Variants in GPC6 observed in about 807,000 individuals in gnomAD.
The protein encoded by GPC6 is glypican-6.
In GPC6, 14 loss-of-function variants were observed where a neutral mutation model predicts 55.2. The ratio of observed to expected loss-of-function variants is 0.25; its 90% CI spans 0.17 to 0.40. The LOEUF is 0.40. Among genes scored for constraint, GPC6 ranks in the 10% least tolerant of loss-of-function variants. GPC6 has a pLI of 1.00. For synonymous variants in GPC6, 278 were observed against 259.6 expected (o/e 1.07, Z -0.68); for missense variants, 641 against 708.5 (o/e 0.90, Z 1.08).
At chr13:93,252,272 C>T (rs945845692) in intron 1 of GPC6, among the ~76,000 whole-genome samples, 3 of 142,372 alleles carry the variant, frequency 2.1e-5, no homozygotes, top group African/African-American at 3.1e-5. Flanking sequence ...CCTTTTTTTT[C>T]CCCCCAGGGG....
intron 4 of GPC6, among the ~76,000 whole-genome samples, chr13:94,128,952 G>A (rs1886918396): frequency 6.6e-6 from 1 of 151,930 alleles, no homozygotes; most frequent in Non-Finnish European, 1.5e-5. Flanking sequence ...GTATCTCTAA[G>A]CATTTTTCTG....
At chr13:93,559,826 G>A (rs530765454) in intron 2 of GPC6, among the ~76,000 whole-genome samples, 2 of 152,064 alleles carry the variant, frequency 1.3e-5, no homozygotes, top group East Asian at 1.9e-4. Context: ...ATGATGCCAC[G>A]GGTGAATGCA....
intron 1 of GPC6, among the ~76,000 whole-genome samples, chr13:93,277,895 T>G (rs1022938233): frequency 3.9e-5 from 6 of 152,166 alleles, no homozygotes; most frequent in African/African-American, 9.7e-5. Context: ...ACCATAAAAT[T>G]AGAGTTTAGT....
intron 1 of GPC6, among the ~76,000 whole-genome samples, chr13:93,343,231 C>T (rs1880319809): frequency 6.8e-6 from 1 of 146,752 alleles, no homozygotes; most frequent in African/African-American, 2.5e-5. Flanking sequence ...ATTTACATAA[C>T]CCGGAATAAT....
chr13:93,315,718 T>A, intron 1 of GPC6, among the ~76,000 whole-genome samples: 1 of 151,312 alleles, frequency 6.6e-6, no homozygotes, highest in South Asian at 2.1e-4. Flanking sequence ...ATTAATATTA[T>A]ATATTATTAG....
chr13:93,538,632 C>T (rs1002545268), intron 1 of GPC6, among the ~76,000 whole-genome samples: 12 of 152,130 alleles, frequency 7.9e-5, no homozygotes, highest in Admixed American at 2.0e-4. Context: ...GGAGGGCTTC[C>T]GCCATATTCC....
intron 1 of GPC6, among the ~76,000 whole-genome samples, chr13:93,445,900 T>C (rs1318171194): frequency 6.6e-6 from 1 of 152,178 alleles, no homozygotes; most frequent in Non-Finnish European, 1.5e-5. Context: ...AGCTATTCTT[T>C]TTAAAGAAAT....
intron 4 of GPC6, among the ~76,000 whole-genome samples, chr13:94,238,606 A>C (rs1005684705): frequency 2.0e-5 from 3 of 152,180 alleles, no homozygotes; most frequent in African/African-American, 7.2e-5. Flanking sequence ...AACAATTATA[A>C]GAAGTCTTTT....
intron 4 of GPC6, among the ~76,000 whole-genome samples, chr13:94,200,185 A>G: frequency 6.6e-6 from 1 of 151,690 alleles, no homozygotes; most frequent in South Asian, 2.1e-4. Context: ...ACATGTTTCC[A>G]GGATCCTTAC....
At chr13:93,757,418 A>G (rs1884810290) in intron 2 of GPC6, among the ~76,000 whole-genome samples, 1 of 152,128 alleles carries the variant, frequency 6.6e-6, no homozygotes, top group Non-Finnish European at 1.5e-5. Context: ...TGAATCAGTA[A>G]CAGAGAACTC....
intron 2 of GPC6, among the ~76,000 whole-genome samples, chr13:93,631,309 C>T (rs1207532937): frequency 6.6e-6 from 1 of 152,108 alleles, no homozygotes; most frequent in East Asian, 1.9e-4. Flanking sequence ...GTGGCTCTAC[C>T]CCAGTGCACA....
intron 2 of GPC6, among the ~76,000 whole-genome samples, chr13:93,579,409 T>C (rs1161015309): frequency 6.7e-6 from 1 of 149,970 alleles, no homozygotes; most frequent in Non-Finnish European, 1.5e-5. Context: ...TAAAAATAGC[T>C]CAGAAATATA....
intron 4 of GPC6, among the ~76,000 whole-genome samples, chr13:94,214,250 T>C (rs1291137719): frequency 1.3e-5 from 2 of 152,238 alleles, no homozygotes; most frequent in Admixed American, 1.3e-4. Context: ...AGAATTCCCC[T>C]GTACAGTTGT....
chr13:94,091,724 A>G (rs902173432), intron 4 of GPC6, among the ~76,000 whole-genome samples: 2 of 152,092 alleles, frequency 1.3e-5, no homozygotes, highest in Admixed American at 1.3e-4. Flanking sequence ...TACCCATTAA[A>G]ATATGAAAGA....
At chr13:93,409,583 T>C (rs925828823) in intron 1 of GPC6, among the ~76,000 whole-genome samples, 13 of 152,178 alleles carry the variant, frequency 8.5e-5, no homozygotes, top group Admixed American at 4.6e-4. Context: ...CTTCCCCTCT[T>C]AGCACTTGAC....
intron 2 of GPC6, among the ~76,000 whole-genome samples, chr13:93,737,641 A>G (rs1884050916): frequency 1.3e-5 from 2 of 152,124 alleles, no homozygotes; most frequent in Non-Finnish European, 2.9e-5. Context: ...GTGAATAACA[A>G]TTTCTGTGAA....
At chr13:94,072,478 C>T (rs190915035) in intron 4 of GPC6, among the ~76,000 whole-genome samples, 67 of 152,264 alleles carry the variant, frequency 4.4e-4, no homozygotes, top group African/African-American at 1.4e-3. Context: ...GTCAGCCTGC[C>T]AAGTAGCTGG....
Position 94,208,935 on chromosome 13 carries a change from C to CA in GPC6, c.878-77411dup, listed in dbSNP as rs1452762108. ...GAGCAAGACCCTATCTCTAAAAAAA[C>CA]AAACAAACAGACAAAAAACTATTTT... On this transcript the variant is annotated intron_variant, in intron 4 of 8. Coordinates refer to ENST00000377047, the MANE Select transcript of GPC6 (RefSeq NM_005708.5). 7.3e-5 allele frequency among the ~76,000 whole-genome samples: 11 copies of CA among 151,720 alleles called. No homozygotes were observed. In the East Asian group the frequency reaches 2.1e-3, roughly 30 times the overall value.
chr13:93,844,432 T>C (rs1039293292), intron 3 of GPC6, among the ~76,000 whole-genome samples: 1 of 152,296 alleles, frequency 6.6e-6, no homozygotes, highest in African/African-American at 2.4e-5. Flanking sequence ...CCATCACGCC[T>C]GGCCGGTAAA....
Sources: allele counts gnomAD v4.1 joint callset (sites outside exome capture counted in the v4.1 genomes callset), GRCh38; gene constraint gnomAD v4.1.1; transcripts MANE v1.5; gene names NCBI Gene and HGNC (gene_info 2026-07-23, HGNC 2026-07-21).